Variants in ARHGAP21 observed in about 807,000 individuals in gnomAD.
The protein encoded by ARHGAP21 is Rho GTPase activating protein 21, also known as rho GTPase-activating protein 21.
A neutral mutation model predicts 164.6 loss-of-function variants in ARHGAP21; 38 were observed. The ratio of observed to expected loss-of-function variants is 0.23; its 90% CI spans 0.18 to 0.30. The LOEUF (loss-of-function observed/expected upper bound fraction) is 0.30, where lower values mean the gene tolerates loss of function less well. Among genes scored for constraint, ARHGAP21 ranks in the 10% least tolerant of loss-of-function variants. The pLI, the probability that ARHGAP21 is intolerant of heterozygous loss-of-function variation, is 1.00. For missense variants in ARHGAP21, 1,822 were observed against 2,370.7 expected, an observed-to-expected ratio of 0.77 and a Z score of 4.81; for synonymous variants, 766 against 857.9, an observed-to-expected ratio of 0.89 and a Z score of 1.87.
Position 24,620,361 on chromosome 10 carries a change from C to T in ARHGAP21, c.1534G>A (p.Gly512Arg), listed in dbSNP as rs779491397. The change falls in exon 9 of 26, where the codon GGA becomes AGA. Residue 512 changes from glycine to arginine, a missense_variant. By Grantham distance (125) the Gly-to-Arg change is moderately radical. Coordinates refer to ENST00000396432, the MANE Select transcript of ARHGAP21 (RefSeq NM_020824.4). The part of the protein sequence containing the change: ...QDETLENVNS[G>R]TPIPDSNGEK... ...CCATTGGAATCAGGTATTGGAGTTCCAGAATTGACATTTTCTAAGGTTTCA... is the reference window on the plus strand; with the variant it reads ...CCATTGGAATCAGGTATTGGAGTTCTAGAATTGACATTTTCTAAGGTTTCA... 1.2e-6 allele frequency: 2 copies of T among 1,613,696 alleles called. No individual in the cohort carries two copies. The highest frequency in any genetic ancestry group is 2.2e-5 in the South Asian group (2 of 91,030).
At chr10:24,638,142 G>A (rs1425795126) in intron 4 of ARHGAP21, among the ~76,000 whole-genome samples, 2 of 152,020 alleles carry the variant, frequency 1.3e-5, no homozygotes, top group Non-Finnish European at 2.9e-5. Flanking sequence ...TGGGATTACA[G>A]GTGTGAGCCA....
At chr10:24,601,109 T>C (rs1435505789) in intron 13 of ARHGAP21, among the ~76,000 whole-genome samples, 179 bp from the exon 14 acceptor site, 1 of 152,206 alleles carries the variant, frequency 6.6e-6, no homozygotes, top group Non-Finnish European at 1.5e-5. Flanking sequence ...GAGCATAAAC[T>C]GAGTTAGGCA....
At chr10:24,599,511 G>A (rs1490442562) in intron 14 of ARHGAP21, among the ~76,000 whole-genome samples, 2 of 152,096 alleles carry the variant, frequency 1.3e-5, no homozygotes, top group African/African-American at 4.8e-5. Context: ...ACTTTGAATT[G>A]GATATAATGG....
At chr10:24,593,223 T>C (rs1340173264) in intron 21 of ARHGAP21, among the ~76,000 whole-genome samples, 6 of 152,210 alleles carry the variant, frequency 3.9e-5, no homozygotes, top group Non-Finnish European at 8.8e-5. Flanking sequence ...AGAAATTGTG[T>C]TGAAGTCAGG....
chr10:24,613,095 T>C (rs1290139364), intron 9 of ARHGAP21, among the ~76,000 whole-genome samples: 1 of 151,978 alleles, frequency 6.6e-6, no homozygotes, highest in East Asian at 1.9e-4. Flanking sequence ...CCTAAAAAAT[T>C]GAACTCCCTA....
At chr10:24,698,936 T>C (rs1267300813) in intron 2 of ARHGAP21, among the ~76,000 whole-genome samples, 1 of 152,192 alleles carries the variant, frequency 6.6e-6, no homozygotes, top group African/African-American at 2.4e-5. Flanking sequence ...TATTTGTACA[T>C]ATATATCAGC....
At chr10:24,596,945 CT>C (rs2076609715) in intron 16 of ARHGAP21, 63 bp from the exon 17 acceptor site, 1 of 1,515,082 alleles carries the variant, frequency 6.6e-7, no homozygotes, top group East Asian at 2.3e-5. Flanking sequence ...TAAATCATGA[CT>C]TTAAAAACAC....
chr10:24,602,100 C>T lies in ARHGAP21; in HGVS notation c.2725G>A (p.Ala909Thr), dbSNP rs764390405. 8 of 1,612,122 alleles carry T rather than the reference C, an allele frequency of 5.0e-6. No homozygotes were observed. Among genetic ancestry groups the T allele is most frequent in the African/African-American group, 1.3e-5 (1 of 74,764 alleles). ...TCTTCTGATGACTTTTGGCTGTCTG[C>T]GATCTATAGAAAAGACCAAGAAAAC... Reference protein sequence around the residue: ...HVSSLKGIKIADSQKSSEDSG... With the variant: ...HVSSLKGIKITDSQKSSEDSG... The change falls in exon 13 of 26, where the codon GCA (alanine) becomes ACA (threonine). Residue 909 changes from alanine to threonine, a missense_variant. Coordinates refer to ENST00000396432, the MANE Select transcript of ARHGAP21 (RefSeq NM_020824.4).
At chr10:24,718,385 T>C (rs2132320909) in intron 2 of ARHGAP21, among the ~76,000 whole-genome samples, 1 of 151,590 alleles carries the variant, frequency 6.6e-6, no homozygotes, top group African/African-American at 2.4e-5. Flanking sequence ...GATAGAGGGG[T>C]AGATACGGAG....
intron 9 of ARHGAP21, among the ~76,000 whole-genome samples, chr10:24,608,633 T>C (rs2131007702): frequency 6.6e-6 from 1 of 152,320 alleles, no homozygotes; most frequent in Admixed American, 6.5e-5. Flanking sequence ...TAATTTTGAT[T>C]AAATTCTAAG....
chr10:24,670,259 T>C lies in ARHGAP21; in HGVS notation c.202A>G (p.Ile68Val). The C allele has an allele frequency of 1.9e-6, 3 of 1,603,688 alleles. No individual in the cohort carries two copies. The highest frequency in any genetic ancestry group is 2.6e-6 in the Non-Finnish European group (3 of 1,174,952). The change falls in exon 3 of 26, where the codon ATT becomes GTT. Residue 68 changes from isoleucine to valine, a missense_variant. Transcript: ENST00000396432. ...ATTGCAGACTCTGGGGGATAAACAA[T>C]AAAATGTCTTAATGTAAAACCAAAG... ...QGFGFTLRHF[I>V]VYPPESAIQF...
At chr10:24,634,210 A>G (rs1185677708) in intron 5 of ARHGAP21, among the ~76,000 whole-genome samples, 1 of 152,022 alleles carries the variant, frequency 6.6e-6, no homozygotes, top group African/African-American at 2.4e-5. Context: ...CATATTAATG[A>G]TATTTAAATC....
At chr10:24,634,240 TA>T (rs940181586) in intron 5 of ARHGAP21, among the ~76,000 whole-genome samples, 13 of 151,936 alleles carry the variant, frequency 8.6e-5, no homozygotes, top group Admixed American at 2.6e-4. Flanking sequence ...TTAAGTATAA[TA>T]AAAAAAACTA....
At chr10:24,721,044 A>G (rs1845878719) in intron 2 of ARHGAP21, among the ~76,000 whole-genome samples, 1 of 152,140 alleles carries the variant, frequency 6.6e-6, no homozygotes, top group African/African-American at 2.4e-5. Flanking sequence ...TCATAAATCA[A>G]TGTATTTTCT....
chr10:24,713,398 G>A (rs993275704), intron 2 of ARHGAP21, among the ~76,000 whole-genome samples: 1 of 152,026 alleles, frequency 6.6e-6, no homozygotes, highest in South Asian at 2.1e-4. Flanking sequence ...CTAGTCACCA[G>A]GGAAAAGTAA....
chr10:24,588,429 T>TAA (rs1208286065), intron 25 of ARHGAP21, among the ~76,000 whole-genome samples: 3 of 152,156 alleles, frequency 2.0e-5, no homozygotes, highest in Non-Finnish European at 4.4e-5. Flanking sequence ...AGCTTTTCTG[T>TAA]AGGTTTAACA....
chr10:24,665,701 T>A (rs1840122756), intron 4 of ARHGAP21, among the ~76,000 whole-genome samples: 1 of 152,220 alleles, frequency 6.6e-6, no homozygotes, highest in Non-Finnish European at 1.5e-5. Flanking sequence ...GGTTATACAG[T>A]CATCAAAACT....
intron 2 of ARHGAP21, among the ~76,000 whole-genome samples, chr10:24,716,120 A>C (rs912168023): frequency 1.3e-5 from 2 of 152,280 alleles, no homozygotes; most frequent in Non-Finnish European, 2.9e-5. Context: ...ATTTATTGAC[A>C]ACCTATTATG....
At chr10:24,709,267 A>T (rs894748858) in intron 2 of ARHGAP21, among the ~76,000 whole-genome samples, 2 of 152,174 alleles carry the variant, frequency 1.3e-5, no homozygotes, top group Admixed American at 6.5e-5. Flanking sequence ...TCAGTAATTT[A>T]AAAAAATCTC....
Sources: gnomAD v4.1 joint callset for allele counts (sites outside exome capture counted in the v4.1 genomes callset) on GRCh38, gnomAD v4.1.1 for gene constraint, MANE v1.5 for transcripts, NCBI Gene and HGNC (gene_info 2026-07-23, HGNC 2026-07-21) for gene names.